COL26A1: variants seen among roughly 807,000 people sequenced by gnomAD.
COL26A1 encodes the protein collagen type XXVI alpha 1 chain, also known as collagen alpha-1(XXVI) chain.
In COL26A1, 41 loss-of-function variants were observed where a neutral mutation model predicts 59.3. The ratio of observed to expected loss-of-function variants is 0.69; its 90% CI spans 0.54 to 0.90. The LOEUF (loss-of-function observed/expected upper bound fraction) is 0.90. Ranked by LOEUF, COL26A1 falls within the 40% of genes least tolerant of loss-of-function variation. The probability of loss-of-function intolerance (pLI) is 0.00; values close to 1 mark genes in which losing one functional copy is unlikely to be tolerated. For missense variants in COL26A1, 612 were observed against 602.3 expected, an observed-to-expected ratio of 1.02 and a Z score of -0.17; for synonymous variants, 266 against 256.0, an observed-to-expected ratio of 1.04 and a Z score of -0.37.
chr7:101,464,328 G>A (rs1003222727), intron 3 of COL26A1, among the ~76,000 whole-genome samples: 9 of 151,940 alleles, frequency 5.9e-5, no homozygotes. Flanking sequence ...TCGAACTCCT[G>A]ACCTCAGATG....
intron 3 of COL26A1, among the ~76,000 whole-genome samples, chr7:101,505,120 A>T (rs1448432886): frequency 6.6e-6 from 1 of 152,126 alleles, no homozygotes; most frequent in African/African-American, 2.4e-5. Flanking sequence ...CTGGGTGAAA[A>T]AAAAAAGTTA....
intron 3 of COL26A1, among the ~76,000 whole-genome samples, chr7:101,525,722 T>G (rs909316417): frequency 1.3e-5 from 2 of 152,126 alleles, no homozygotes; most frequent in Non-Finnish European, 2.9e-5. Context: ...GGTCTCGATC[T>G]CCTGACCTCG....
In COL26A1 at chr7:101,558,366, T is replaced by G. The variant is rs1796031886; in HGVS notation, c.*836T>G. On this transcript the variant is annotated 3_prime_UTR_variant, in exon 13 of 13. Transcript: ENST00000313669. ...CCTGGCCACTGCCTCCCAGTCTTGC[T>G]GAGCCCACCCGCTCTCTCTGGGTCC... The G allele has an allele frequency of 6.6e-6, 1 of 152,312 alleles. No individual in the cohort carries two copies. Among genetic ancestry groups the G allele is most frequent in the African/African-American group, 2.4e-5 (1 of 41,464 alleles). 9.4% of individuals were successfully genotyped at this position (152,312 alleles called of 1,614,324 possible). A position where few individuals can be genotyped will look rare whatever the true frequency, so the allele number is the denominator to read the frequency against.
Position 101,466,604 on chromosome 7 carries a change from C to T in COL26A1, c.385+18817C>T, listed in dbSNP as rs376310778. 5.3e-5 allele frequency among the ~76,000 whole-genome samples: 8 copies of T among 152,180 alleles called. No individual in the cohort carries two copies. The East Asian group carries it at 9.7e-4, about 18-fold the overall frequency. On this transcript the variant is annotated intron_variant, in intron 3 of 12. Transcript: ENST00000313669. ...ACTCAGGAGGCAAAAGTGGGAGAAT[C>T]GCTTGAGCCTCGGAGGTTGAGGCTG...
chr7:101,543,174 C>CTTTT (rs11363180), intron 5 of COL26A1, among the ~76,000 whole-genome samples: 1 of 148,086 alleles, frequency 6.8e-6, no homozygotes, highest in Non-Finnish European at 1.5e-5. Flanking sequence ...GATCAGCAAA[C>CTTTT]TTTTTTTTTT....
intron 3 of COL26A1, among the ~76,000 whole-genome samples, chr7:101,529,624 T>G (rs2130631710): frequency 6.6e-6 from 1 of 152,324 alleles, no homozygotes; most frequent in East Asian, 1.9e-4. Flanking sequence ...CCCATCTTTA[T>G]GTCCATATAT....
chr7:101,514,243 C>A (rs1794984045), intron 3 of COL26A1, among the ~76,000 whole-genome samples: 4 of 151,980 alleles, frequency 2.6e-5, no homozygotes, highest in Admixed American at 2.0e-4. Flanking sequence ...GAAGTTGAGG[C>A]AGGAGAATTG....
chr7:101,446,634 G>A (rs1488319578), intron 2 of COL26A1, among the ~76,000 whole-genome samples: 3 of 152,134 alleles, frequency 2.0e-5, no homozygotes, highest in Non-Finnish European at 2.9e-5. Flanking sequence ...ATCACTTGAG[G>A]CCAGGAGTTC....
intron 3 of COL26A1, among the ~76,000 whole-genome samples, chr7:101,522,497 C>G (rs1358698358): frequency 1.3e-5 from 2 of 152,208 alleles, no homozygotes; most frequent in Admixed American, 1.3e-4. Context: ...TGTTTGGGAA[C>G]AGCTTCTCCT....
intron 3 of COL26A1, among the ~76,000 whole-genome samples, chr7:101,450,775 TGAATATGAATTCCATAGTCTATA>T (rs1793314526): frequency 2.8e-5 from 4 of 143,978 alleles, no homozygotes; most frequent in Non-Finnish European, 4.5e-5. Flanking sequence ...ATAGTCTATA[TGAATATGAATTCCATAGTCTATA>T]TGAATATGAA....
At chr7:101,555,410 G>A (rs997452219) in intron 11 of COL26A1, among the ~76,000 whole-genome samples, 1 of 152,178 alleles carries the variant, frequency 6.6e-6, no homozygotes, top group African/African-American at 2.4e-5. Flanking sequence ...TGGGATAGGT[G>A]CTCTGTCCTG....
intron 3 of COL26A1, among the ~76,000 whole-genome samples, chr7:101,496,741 C>A (rs1794594802): frequency 6.6e-6 from 1 of 151,864 alleles, no homozygotes; most frequent in African/African-American, 2.4e-5. Context: ...CAAAAAATTC[C>A]CAGGCGTGAT....
chr7:101,498,675 T>C (rs1794638090), intron 3 of COL26A1, among the ~76,000 whole-genome samples: 1 of 152,228 alleles, frequency 6.6e-6, no homozygotes. Flanking sequence ...TATTTCGTGA[T>C]GTTGCTTTTC....
chr7:101,526,334 C>T (rs946072878), intron 3 of COL26A1, among the ~76,000 whole-genome samples: 2 of 152,196 alleles, frequency 1.3e-5, no homozygotes, highest in Admixed American at 1.3e-4. Context: ...TAAGCATAAG[C>T]CACTGCTCCC....
At chr7:101,409,281 C>T (rs1403010391) in intron 1 of COL26A1, among the ~76,000 whole-genome samples, 1 of 152,094 alleles carries the variant, frequency 6.6e-6, no homozygotes, top group Non-Finnish European at 1.5e-5. Flanking sequence ...GTAAGAAGGA[C>T]CTATGAGGGG....
intron 3 of COL26A1, among the ~76,000 whole-genome samples, chr7:101,475,888 CTTTCTT>C (rs1563000205): frequency 1.1e-4 from 15 of 140,258 alleles, no homozygotes; most frequent in Middle Eastern, 3.4e-3. Flanking sequence ...CTTTCTCTCT[CTTTCTT>C]TCTCTCTCTT....
At chr7:101,489,801 T>TCC (rs1491373662) in intron 3 of COL26A1, among the ~76,000 whole-genome samples, 35 of 1,740 alleles carry the variant, frequency 0.02, 4 homozygotes, top group Non-Finnish European at 0.034. Flanking sequence ...TTTCTTTCTT[T>TCC]CTTTCTTTCT....
intron 10 of COL26A1, 87 bp downstream of exon 10, chr7:101,551,230 T>TG (rs1430330168): frequency 3.6e-4 from 42 of 116,024 alleles, no homozygotes; most frequent in East Asian, 2.3e-3. Flanking sequence ...CGGGGGTTGG[T>TG]GGGGGGGTTC....
intron 3 of COL26A1, among the ~76,000 whole-genome samples, chr7:101,496,883 G>GAA (rs34276328): frequency 3.5e-4 from 43 of 121,846 alleles, no homozygotes; most frequent in African/African-American, 6.9e-4. Context: ...CTGTCTCAAA[G>GAA]AAAAAAAAAA....
Sources: allele counts gnomAD v4.1 joint callset (sites outside exome capture counted in the v4.1 genomes callset), GRCh38; gene constraint gnomAD v4.1.1; transcripts MANE v1.5; gene names NCBI Gene and HGNC (gene_info 2026-07-23, HGNC 2026-07-21).